Variants in MINDY4 observed in about 807,000 individuals in gnomAD.
MINDY4 encodes the protein probable ubiquitin carboxyl-terminal hydrolase MINDY-4.
Under a neutral mutation model 87.0 loss-of-function variants are expected in MINDY4, and 68 were observed. The observed-to-expected ratio is 0.78, with a 90% CI of 0.64 to 0.96. The LOEUF is 0.96. Among genes scored for constraint, MINDY4 ranks in the 40% least tolerant of loss-of-function variants. The pLI, the probability that MINDY4 is intolerant of heterozygous loss-of-function variation, is 0.00. For synonymous variants in MINDY4, 379 were observed against 363.2 expected (o/e 1.04, Z -0.50); for missense variants, 919 against 928.2 (o/e 0.99, Z 0.13).
At chr7:30,844,241 T>C (rs1789134150) in intron 9 of MINDY4, among the ~76,000 whole-genome samples, 2 of 152,090 alleles carry the variant, frequency 1.3e-5, no homozygotes, top group Non-Finnish European at 2.9e-5. Flanking sequence ...CAGACTCCCC[T>C]GAGAGGGAGG....
At chr7:30,852,382 C>G (rs1789439317) in intron 11 of MINDY4, 103 bp downstream of exon 11, 5 of 1,572,444 alleles carry the variant, frequency 3.2e-6, no homozygotes, top group Non-Finnish European at 1.7e-6. Flanking sequence ...GGCTGGCCTT[C>G]CGCAGCCCAG....
rs10216063 is a variant in MINDY4 at position 30,875,648 on chromosome 7, A to G, written c.1963A>G (p.Met655Val). The G allele has an allele frequency of 0.22, 348,723 of 1,606,884 alleles. 55,780 individuals carry two copies. Among genetic ancestry groups the G allele is most frequent in the African/African-American group, 0.78 (58,555 of 74,664 alleles). Residue 655 changes from methionine (M) to valine (V), a missense_variant, in exon 15 of 18, where the codon ATG (methionine) becomes GTG (valine). Physicochemically the swap from Met to Val is conservative, Grantham distance 21. Transcript: ENST00000265299. ...CTTATCTCTCTTTGAGCATTACAACATGTGCCAGGTACCCAGATGCTCACG... is the reference window on the plus strand; with the variant it reads ...CTTATCTCTCTTTGAGCATTACAACGTGTGCCAGGTACCCAGATGCTCACG... ...GFLSLFEHYN[M>V]CQVGCFLKTP...
chr7:30,865,303 C>T (rs1220870804), intron 13 of MINDY4, among the ~76,000 whole-genome samples: 1 of 152,252 alleles, frequency 6.6e-6, no homozygotes, highest in Non-Finnish European at 1.5e-5. Context: ...AGAAGAGGAA[C>T]TTCCTCAATA....
In MINDY4 at chr7:30,839,282, C is replaced by T; in HGVS notation, c.1322C>T (p.Thr441Ile). The T allele has an allele frequency of 6.2e-7, 1 of 1,611,626 alleles. No homozygotes were observed. The highest frequency in any genetic ancestry group is 8.5e-7 in the Non-Finnish European group (1 of 1,179,112). Reference sequence around the variant, plus strand: ...CTTCAGAGTTTTTCCTTTAGTAACACAGCCTCATTAAAATACGGCATAGTG... The same window carrying T: ...CTTCAGAGTTTTTCCTTTAGTAACATAGCCTCATTAAAATACGGCATAGTG... The part of the protein sequence containing the change: ...WKLQSFSFSN[T>I]ASLKYGIVQN... Residue 441 changes from threonine (T) to isoleucine (I), a missense_variant, in exon 8 of 18, where the codon ACA becomes ATA. By Grantham distance (89) the Thr-to-Ile change is moderately conservative. Coordinates refer to ENST00000265299, the MANE Select transcript of MINDY4 (RefSeq NM_032222.3).
At chr7:30,803,060 C>T (rs1787705908) in intron 5 of MINDY4, 3 of 152,310 alleles carry the variant, frequency 2.0e-5, no homozygotes, top group African/African-American at 4.8e-5. Context: ...TCAAACCAGC[C>T]AACTCACTGT....
intron 5 of MINDY4, among the ~76,000 whole-genome samples, chr7:30,810,773 A>C (rs1584264154): frequency 6.6e-6 from 1 of 152,182 alleles, no homozygotes; most frequent in Non-Finnish European, 1.5e-5. Flanking sequence ...AATTTAGCTT[A>C]TCTGGTATAA....
chr7:30,864,269 A>G (rs1308144802), intron 13 of MINDY4, among the ~76,000 whole-genome samples: 2 of 152,228 alleles, frequency 1.3e-5, no homozygotes, highest in Admixed American at 6.5e-5. Flanking sequence ...GGCTCTTTGT[A>G]ACTCTCCTCA....
At chr7:30,829,911 T>G (rs1229417601) in intron 6 of MINDY4, among the ~76,000 whole-genome samples, 3 of 152,112 alleles carry the variant, frequency 2.0e-5, no homozygotes, top group African/African-American at 7.2e-5. Context: ...AAGCAGCTGT[T>G]TGAAGTGTGT....
intron 5 of MINDY4, among the ~76,000 whole-genome samples, chr7:30,794,003 G>A (rs1272842736): frequency 1.3e-5 from 2 of 152,168 alleles, no homozygotes; most frequent in Non-Finnish European, 2.9e-5. Context: ...AACCTGACAA[G>A]GTTCTGGGTG....
At chr7:30,783,808 G>T (rs904397042) in intron 3 of MINDY4, among the ~76,000 whole-genome samples, 1 of 152,034 alleles carries the variant, frequency 6.6e-6, no homozygotes. Context: ...TTTGATTTTC[G>T]TAAAAACAGG....
chr7:30,811,480 G>A (rs1787995933), intron 5 of MINDY4, among the ~76,000 whole-genome samples: 1 of 152,222 alleles, frequency 6.6e-6, no homozygotes, highest in Admixed American at 6.5e-5. Flanking sequence ...ATGAAAGTGA[G>A]AACTCCCACT....
At chr7:30,788,802 A>G (rs1465334315) in intron 4 of MINDY4, among the ~76,000 whole-genome samples, 1 of 152,172 alleles carries the variant, frequency 6.6e-6, no homozygotes, top group Admixed American at 6.5e-5. Flanking sequence ...CGGTCAGCGG[A>G]ATGCCTGCCG....
At chr7:30,891,470 T>C (rs1790790344) in intron 17 of MINDY4, among the ~76,000 whole-genome samples, 1 of 152,242 alleles carries the variant, frequency 6.6e-6, no homozygotes, top group Non-Finnish European at 1.5e-5. Context: ...TCACTACCTT[T>C]CTGTGGCTCT....
intron 9 of MINDY4, among the ~76,000 whole-genome samples, chr7:30,844,275 G>A (rs1259950369): frequency 6.6e-6 from 1 of 152,132 alleles, no homozygotes; most frequent in Non-Finnish European, 1.5e-5. Flanking sequence ...GCTTAGTTAT[G>A]GAGCTCGCTG....
chr7:30,864,180 A>C (rs1489041402), intron 13 of MINDY4, among the ~76,000 whole-genome samples: 1 of 152,220 alleles, frequency 6.6e-6, no homozygotes, highest in African/African-American at 2.4e-5. Flanking sequence ...TCATTTGCTG[A>C]AACAGTTTTA....
At chr7:30,822,550 T>G (rs954796943) in intron 5 of MINDY4, among the ~76,000 whole-genome samples, 19 of 152,310 alleles carry the variant, frequency 1.2e-4, no homozygotes, top group Middle Eastern at 6.8e-3. Flanking sequence ...TCCCCAGATA[T>G]TCTTTTAGGC....
At chr7:30,877,279 G>T (rs1327055036) in intron 15 of MINDY4, among the ~76,000 whole-genome samples, 1 of 152,184 alleles carries the variant, frequency 6.6e-6, no homozygotes, top group African/African-American at 2.4e-5. Context: ...ATGAGCTCTG[G>T]TTTCATTCTT....
chr7:30,857,800 C>G (rs1179837066), intron 12 of MINDY4: 2 of 152,174 alleles, frequency 1.3e-5, no homozygotes, highest in East Asian at 1.9e-4. Context: ...CCTCTTGGCA[C>G]AGAAATTTCA....
At chr7:30,809,378 A>G (rs1429996729) in intron 5 of MINDY4, among the ~76,000 whole-genome samples, 4 of 63,836 alleles carry the variant, frequency 6.3e-5, no homozygotes, top group Non-Finnish European at 1.5e-4. Context: ...ATCCTAAGGA[A>G]AAAAAAAAAA....
Sources: allele counts gnomAD v4.1 joint callset (sites outside exome capture counted in the v4.1 genomes callset), GRCh38; gene constraint gnomAD v4.1.1; transcripts MANE v1.5; gene names NCBI Gene and HGNC (gene_info 2026-07-23, HGNC 2026-07-21).